RNF220: variants seen among roughly 807,000 people sequenced by gnomAD.
RNF220 encodes the protein E3 ubiquitin-protein ligase RNF220.
In RNF220, 7 loss-of-function variants were observed where a neutral mutation model predicts 67.1. That is an observed-to-expected ratio of 0.10 (90% CI 0.06 to 0.20). RNF220 has a LOEUF of 0.20. RNF220 is among the 10% of genes least tolerant of loss of function. The probability of loss-of-function intolerance (pLI) is 1.00; values close to 1 mark genes in which losing one functional copy is unlikely to be tolerated. For missense variants in RNF220, 565 were observed against 740.3 expected, an observed-to-expected ratio of 0.76 and a Z score of 2.75; for synonymous variants, 270 against 283.2, an observed-to-expected ratio of 0.95 and a Z score of 0.47.
At chr1:44,528,613 ACTT>A (rs1660588422) in intron 2 of RNF220, among the ~76,000 whole-genome samples, 1 of 74,650 alleles carries the variant, frequency 1.3e-5, no homozygotes, top group South Asian at 6.4e-4. Context: ...CAAATTGGCA[ACTT>A]TTTTTTTTTT....
At chr1:44,569,502 A>G (rs1664277914) in intron 2 of RNF220, among the ~76,000 whole-genome samples, 1 of 152,240 alleles carries the variant, frequency 6.6e-6, no homozygotes, top group Non-Finnish European at 1.5e-5. Context: ...TAGACTTTAT[A>G]TAATATATTC....
chr1:44,411,998 T>A lies in RNF220; in HGVS notation c.-100T>A, dbSNP rs1648015116. On this transcript the variant is annotated 5_prime_UTR_variant, in exon 2 of 15. Transcript: ENST00000361799. ...TTCTACAGGTCTTAGGAGGGAATGA[T>A]TCCCCAGTAATATTCCCTGCCCTGA... The A allele has an allele frequency of 7.5e-7, 1 of 1,336,062 alleles. No homozygotes were observed. The highest frequency in any genetic ancestry group is 2.4e-5 in the Admixed American group (1 of 42,278). The allele number at this position is 1,336,062 out of a possible 1,614,324, so 82.8% of individuals were successfully genotyped here. A position where few individuals can be genotyped will look rare whatever the true frequency, so the allele number is the denominator to read the frequency against.
At chr1:44,566,853 A>G (rs1426855225) in intron 2 of RNF220, among the ~76,000 whole-genome samples, 1 of 152,100 alleles carries the variant, frequency 6.6e-6, no homozygotes, top group East Asian at 1.9e-4. Context: ...CACTATGGCC[A>G]CTCAGAGATC....
At chr1:44,617,762 A>C (rs1246418732) in intron 3 of RNF220, among the ~76,000 whole-genome samples, 1 of 152,224 alleles carries the variant, frequency 6.6e-6, no homozygotes, top group Non-Finnish European at 1.5e-5. Flanking sequence ...GCAGGAGGGC[A>C]GAGCCTGTGT....
intron 2 of RNF220, among the ~76,000 whole-genome samples, chr1:44,542,376 T>C (rs74070513): frequency 0.045 from 6,837 of 152,228 alleles, 242 homozygotes; most frequent in South Asian, 0.11. Flanking sequence ...CACTGAGCCT[T>C]GAGTGACTAG....
chr1:44,406,734 T>G (rs901158368), intron 1 of RNF220, among the ~76,000 whole-genome samples: 5 of 147,744 alleles, frequency 3.4e-5, no homozygotes, highest in Non-Finnish European at 7.5e-5. Flanking sequence ...GCCTGGGCGT[T>G]TCGCCTTTGT....
intron 2 of RNF220, among the ~76,000 whole-genome samples, chr1:44,448,697 T>C (rs1204406657): frequency 6.6e-6 from 1 of 152,238 alleles, no homozygotes; most frequent in African/African-American, 2.4e-5. Flanking sequence ...ACAAGGGGAA[T>C]ACAAAGAAAT....
chr1:44,422,584 T>G (rs1649348235), intron 2 of RNF220, among the ~76,000 whole-genome samples: 1 of 152,184 alleles, frequency 6.6e-6, no homozygotes, highest in African/African-American at 2.4e-5. Context: ...TTAAAGTGAG[T>G]GCCTGCTGCT....
At chr1:44,475,442 T>A (rs140951654) in intron 2 of RNF220, among the ~76,000 whole-genome samples, 2,274 of 151,528 alleles carry the variant, frequency 0.015, 75 homozygotes, top group South Asian at 0.13. Flanking sequence ...TGGTGGCGCA[T>A]GCCTGTAATC....
chr1:44,495,031 C>T (rs969438678), intron 2 of RNF220, among the ~76,000 whole-genome samples: 6 of 151,946 alleles, frequency 3.9e-5, no homozygotes, highest in African/African-American at 7.3e-5. Context: ...TGGGCAACAT[C>T]GCAAGACCTC....
intron 2 of RNF220, among the ~76,000 whole-genome samples, chr1:44,553,371 AGAATGAATGAAT>A (rs55720653): frequency 9.4e-4 from 142 of 150,780 alleles, no homozygotes; most frequent in Middle Eastern, 3.4e-3. Context: ...GCTGAGTATA[AGAATGAATGAAT>A]GAATGAATGA....
chr1:44,413,871 G>T (rs895585244), intron 2 of RNF220, among the ~76,000 whole-genome samples: 1 of 152,112 alleles, frequency 6.6e-6, no homozygotes. Flanking sequence ...CCACTGCTTC[G>T]TCAGGCTGTC....
intron 2 of RNF220, among the ~76,000 whole-genome samples, chr1:44,537,201 G>A (rs1029570015): frequency 1.3e-5 from 2 of 151,878 alleles, no homozygotes; most frequent in East Asian, 1.9e-4. Context: ...CTTTCTTTGC[G>A]TGGTCTACAA....
chr1:44,434,024 T>A (rs1163665928), intron 2 of RNF220, among the ~76,000 whole-genome samples: 1 of 152,122 alleles, frequency 6.6e-6, no homozygotes, highest in Non-Finnish European at 1.5e-5. Flanking sequence ...ATATTAAAAT[T>A]AAAGAATCAA....
chr1:44,411,191 CG>C (rs1557897493), intron 1 of RNF220, among the ~76,000 whole-genome samples: 1 of 152,092 alleles, frequency 6.6e-6, no homozygotes, highest in Non-Finnish European at 1.5e-5. Flanking sequence ...TTCTAGAGAG[CG>C]TATGCCAAAG....
chr1:44,413,424 T>C (rs1400293256), intron 2 of RNF220, among the ~76,000 whole-genome samples: 3 of 152,356 alleles, frequency 2.0e-5, no homozygotes, highest in East Asian at 3.9e-4. Flanking sequence ...ACAACTATTA[T>C]TAATTTCTGC....
At chr1:44,572,052 C>T (rs1664481155) in intron 2 of RNF220, among the ~76,000 whole-genome samples, 1 of 152,228 alleles carries the variant, frequency 6.6e-6, no homozygotes, top group Non-Finnish European at 1.5e-5. Context: ...CAGCTGGTCT[C>T]CCTGCCTCCG....
intron 2 of RNF220, among the ~76,000 whole-genome samples, chr1:44,472,341 C>T (rs891100551): frequency 1.3e-5 from 2 of 152,172 alleles, no homozygotes; most frequent in Non-Finnish European, 2.9e-5. Flanking sequence ...CTGCATCAGC[C>T]TTGCATGAGG....
intron 2 of RNF220, among the ~76,000 whole-genome samples, chr1:44,508,941 T>G (rs1477580149): frequency 6.6e-6 from 1 of 152,072 alleles, no homozygotes; most frequent in Admixed American, 6.6e-5. Flanking sequence ...AGAGATTAAT[T>G]TTGAAAAATG....
Sources: allele counts gnomAD v4.1 joint callset (sites outside exome capture counted in the v4.1 genomes callset), GRCh38; gene constraint gnomAD v4.1.1; transcripts MANE v1.5; gene names NCBI Gene and HGNC (gene_info 2026-07-23, HGNC 2026-07-21).